The following LTBP3 variants were observed in gnomAD, a reference collection of about 807,000 sequenced individuals.
LTBP3 encodes the protein latent transforming growth factor beta binding protein 3.
Under a neutral mutation model 159.7 loss-of-function variants are expected in LTBP3, and 97 were observed. The observed-to-expected ratio is 0.61, with a 90% CI of 0.52 to 0.72. LTBP3 has a LOEUF of 0.72. LTBP3 is among the 30% of genes least tolerant of loss of function. The pLI is 0.00. For synonymous variants in LTBP3, 824 were observed against 777.1 expected (o/e 1.06, Z -1.00); for missense variants, 1,584 against 1,864.3 (o/e 0.85, Z 2.77).
At position 65,540,568 on chromosome 11, in the gene LTBP3, G is replaced by A. The variant is rs1179810857; in HGVS notation, c.3024C>T (p.Gly1008=). 6.8e-6 allele frequency: 11 copies of A among 1,613,878 alleles called. No individual in the cohort carries two copies. Among genetic ancestry groups the A allele is most frequent in the Non-Finnish European group, 7.6e-6 (9 of 1,179,914 alleles). ...AGCCAGGCTGCGTGTTCACGCACTT[G>A]CCCTCCTTGCAAATCTCCGACCCGA... ...MLFGSEICKE[G]KCVNTQPGYE... The change falls in exon 22 of 28, where the codon GGC becomes GGT. Residue 1008 remains glycine, a synonymous_variant. Transcript: ENST00000301873.
At position 65,554,940 on chromosome 11, in the gene LTBP3, C is replaced by G. The variant is rs1856756986; in HGVS notation, c.332-560G>C. On this transcript the variant is annotated intron_variant, in intron 1 of 27. Transcript: ENST00000301873. The surrounding 1 kb of genome is among the most constrained non-coding windows in gnomAD (Gnocchi z 5.3). Reference sequence around the variant, plus strand: ...TGCCAAAGATGTCCACATCTCAAGACACAGACACAGCCCCCAGCCTTTCCA... The same window carrying G: ...TGCCAAAGATGTCCACATCTCAAGAGACAGACACAGCCCCCAGCCTTTCCA... 6.6e-6 allele frequency among the ~76,000 whole-genome samples: 1 copy of G among 152,114 alleles called. No individual in the cohort carries two copies. The highest frequency in any genetic ancestry group is 2.4e-5 in the African/African-American group (1 of 41,396).
rs145805447 is a variant in LTBP3 at position 65,556,056 on chromosome 11, G to A, written c.331+1573C>T. Among the ~76,000 whole-genome samples, 925 of 152,198 alleles carry A rather than the reference G, an allele frequency of 6.1e-3. 5 individuals carry two copies. Among genetic ancestry groups the A allele is most frequent in the Non-Finnish European group, 0.01 (713 of 67,992 alleles). ...TGAGAGTGACCTCCCAATGACACCC[G>A]CCCACTGTGGCCTGGGCACCGAGCC... On this transcript the variant is annotated intron_variant, in intron 1 of 27. Coordinates refer to ENST00000301873, the MANE Select transcript of LTBP3 (RefSeq NM_001130144.3).
intron 17 of LTBP3, 71 bp from the exon 18 acceptor site, chr11:65,543,295 T>C (rs1856235278): frequency 6.2e-7 from 1 of 1,612,728 alleles, no homozygotes; most frequent in South Asian, 1.1e-5. Flanking sequence ...AGCCAAAGCT[T>C]TCTCCCAGAG....
Position 65,554,337 on chromosome 11 carries a change from C to G in LTBP3, c.375G>C (p.Ser125=), listed in dbSNP as rs1271421491. Residue 125 remains serine, a synonymous_variant, in exon 2 of 28, where the codon TCG becomes TCC. Coordinates refer to ENST00000301873, the MANE Select transcript of LTBP3 (RefSeq NM_001130144.3). The surrounding 1 kb of genome is among the most constrained non-coding windows in gnomAD (Gnocchi z 5.3). ...CCGGGGGACACAGGCACTGGTTTCG[C>G]GAGGAGCACTGGCCGCCATTCATGC... ...LPCMNGGQCS[S]RNQCLCPPDF... 6.2e-7 allele frequency: 1 copy of G among 1,612,308 alleles called. No homozygotes were observed. The highest frequency in any genetic ancestry group is 8.5e-7 in the Non-Finnish European group (1 of 1,179,804).
chr11:65,538,820 A>G lies in LTBP3; in HGVS notation c.*260T>C. On this transcript the variant is annotated 3_prime_UTR_variant, in exon 28 of 28. Coordinates refer to ENST00000301873, the MANE Select transcript of LTBP3 (RefSeq NM_001130144.3). ...CAATTTGCTTCGAAAGCCAAGGGTA[A>G]AGAGGCACGATCTGATTTATCAGTT... 1.2e-6 allele frequency: 1 copy of G among 818,794 alleles called. No individual in the cohort carries two copies. The highest frequency in any genetic ancestry group is 1.8e-6 in the Non-Finnish European group (1 of 560,476). The allele number at this position is 818,794 out of a possible 1,614,324, so 50.7% of individuals were successfully genotyped here.
chr11:65,540,678 C>CCCA, intron 21 of LTBP3, 64 bp from the exon 22 acceptor site: 1 of 1,535,310 alleles, frequency 6.5e-7, no homozygotes, highest in Non-Finnish European at 8.8e-7. Context: ...GTGGGCTGGG[C>CCCA]GCACCACCGG....
chr11:65,538,761 C>T lies in LTBP3; in HGVS notation c.*319G>A. 1 of 897,142 alleles carries T rather than the reference C, an allele frequency of 1.1e-6. No homozygotes were observed. Among genetic ancestry groups the T allele is most frequent in the South Asian group, 1.8e-5 (1 of 54,850 alleles). 55.6% of individuals were successfully genotyped at this position (897,142 alleles called of 1,614,324 possible). A position where few individuals can be genotyped will look rare whatever the true frequency, so the allele number is the denominator to read the frequency against. ...GAGGCGGCTGGGGTCTGGCGCCGCC[C>T]TGCGCAGCCCGCGCCCACGTCAGAC... On this transcript the variant is annotated 3_prime_UTR_variant, in exon 28 of 28. Coordinates refer to ENST00000301873, the MANE Select transcript of LTBP3 (RefSeq NM_001130144.3).
Position 65,553,670 on chromosome 11 carries a change from A to C in LTBP3, c.864+31T>G. The C allele has an allele frequency of 2.6e-6, 4 of 1,557,388 alleles. No homozygotes were observed. In the South Asian group the frequency reaches 4.6e-5, roughly 18 times the overall value. On this transcript the variant is annotated intron_variant, in intron 3 of 27. Transcript: ENST00000301873. The surrounding 1 kb of genome is among the most constrained non-coding windows in gnomAD (Gnocchi z 6.5). ...GGGGCAGAGCAACCCTGAGAGAAGG[A>C]AAGGCAGATCCCGACTGTGGATTCA...
At chr11:65,556,077 G>A (rs138458474) in intron 1 of LTBP3, among the ~76,000 whole-genome samples, 393 of 152,240 alleles carry the variant, frequency 2.6e-3, no homozygotes, top group Non-Finnish European at 5.0e-3. Flanking sequence ...CCTGGGCACC[G>A]AGCCTGGGGG....
rs1856660585 is a variant in LTBP3 at position 65,552,841 on chromosome 11, C to A, written c.1186+19G>T. On this transcript the variant is annotated intron_variant, in intron 6 of 27. Transcript: ENST00000301873. This position sits in a 1 kb window ranked among gnomAD's most constrained non-coding sequence, Gnocchi z 6.0. ...CCCATGCCTTGTGACCTCCCAGGAA[C>A]CTGAGCCCCAGGTCTCACCAATGCA... 2 of 1,614,160 alleles carry A rather than the reference C, an allele frequency of 1.2e-6. No individual in the cohort carries two copies. The highest frequency in any genetic ancestry group is 1.7e-6 in the Non-Finnish European group (2 of 1,180,002).
Position 65,553,140 on chromosome 11 carries a change from A to G in LTBP3, c.1063+24T>C. The G allele has an allele frequency of 1.9e-6, 3 of 1,612,442 alleles. No homozygotes were observed. Among genetic ancestry groups the G allele is most frequent in the Middle Eastern group, 1.7e-4 (1 of 6,012 alleles). On this transcript the variant is annotated intron_variant, in intron 5 of 27. Transcript: ENST00000301873. The surrounding 1 kb of genome is among the most constrained non-coding windows in gnomAD (Gnocchi z 6.5). The stretch of plus-strand genomic sequence containing the variant: ...GATGGCTGGCCTGCCCCTCCAGCCC[A>G]CAGAATCTCCTAGCTGGCCATACCC...
In LTBP3 at chr11:65,554,549, T is replaced by G. The variant is rs2135160781; in HGVS notation, c.332-169A>C. Among the ~76,000 whole-genome samples, 1 of 152,120 alleles carries G rather than the reference T, an allele frequency of 6.6e-6. No individual in the cohort carries two copies. Among genetic ancestry groups the G allele is most frequent in the Non-Finnish European group, 1.5e-5 (1 of 67,970 alleles). ...TTCCCCAACATCCTTACACCTATGT[T>G]GGGTTCTGGAGTCTCAAGTCCAGGA... On this transcript the variant is annotated intron_variant, in intron 1 of 27. Coordinates refer to ENST00000301873, the MANE Select transcript of LTBP3 (RefSeq NM_001130144.3). The surrounding 1 kb of genome is among the most constrained non-coding windows in gnomAD (Gnocchi z 5.3).
In LTBP3 at chr11:65,539,700, C is replaced by T. The variant is rs762957783; in HGVS notation, c.3547+20G>A. 1 of 1,564,608 alleles carries T rather than the reference C, an allele frequency of 6.4e-7. No homozygotes were observed. The highest frequency in any genetic ancestry group is 8.6e-7 in the Non-Finnish European group (1 of 1,162,030). On this transcript the variant is annotated intron_variant, in intron 25 of 27. Transcript: ENST00000301873. The stretch of plus-strand genomic sequence containing the variant: ...GGCCCCCATCCTCGCTCCCGGCCAA[C>T]TCCTCCCCGACTGCCTTACCCGCGC...
At chr11:65,540,423 G>C in intron 22 of LTBP3, 41 bp from the exon 23 acceptor site, 1 of 1,608,688 alleles carries the variant, frequency 6.2e-7, no homozygotes, top group South Asian at 1.1e-5. Flanking sequence ...GCAGGCCCGG[G>C]ATGGGCGCGG....
In LTBP3 at chr11:65,551,478, C is replaced by T. The variant is rs770241725; in HGVS notation, c.1549-4G>A. ...CTGACCTCTCCTCACTCACCGGCTGCGGGTGACAGCAGCATGAGCCCTCCT... is the reference window on the plus strand; with the variant it reads ...CTGACCTCTCCTCACTCACCGGCTGTGGGTGACAGCAGCATGAGCCCTCCT... On this transcript the variant is annotated splice_polypyrimidine_tract_variant and splice_region_variant and intron_variant, in intron 9 of 27. Coordinates refer to ENST00000301873, the MANE Select transcript of LTBP3 (RefSeq NM_001130144.3). The T allele has an allele frequency of 2.2e-5, 36 of 1,613,910 alleles. 1 individual carries two copies. Among genetic ancestry groups the T allele is most frequent in the South Asian group, 2.1e-4 (19 of 91,094 alleles).
chr11:65,539,087 C>A lies in LTBP3; in HGVS notation c.3905G>T (p.Arg1302Leu). The change falls in exon 28 of 28, where the codon CGC (arginine) becomes CTC (leucine). Residue 1302 changes from arginine to leucine, a missense_variant. Around this residue, in one of 6 missense-constraint regions of LTBP3, gnomAD observed 514 missense variants for 530.3 expected, o/e 0.97. Coordinates refer to ENST00000301873, the MANE Select transcript of LTBP3 (RefSeq NM_001130144.3). The part of the protein sequence containing the change: ...RPHGACVPQR[R>L]R ...AGGGCGGCGTCGGCGGCGTCAGCGG[C>A]GGCGCTGGGGAACGCAGGCCCCGTG... 1 of 1,405,648 alleles carries A rather than the reference C, an allele frequency of 7.1e-7. No homozygotes were observed. The allele number at this position is 1,405,648 out of a possible 1,614,324, so 87.1% of individuals were successfully genotyped here. A position where few individuals can be genotyped will look rare whatever the true frequency, so the allele number is the denominator to read the frequency against.
Position 65,546,428 on chromosome 11 carries a change from G to A in LTBP3, c.2353+14C>T, listed in dbSNP as rs368828977. ...GGGGCGGCGGAGGCCCGGGGCGGGG[G>A]TGCTGGCGCTCACCCAAGCAACTGC... is the stretch of plus-strand genomic sequence containing the variant. On this transcript the variant is annotated intron_variant, in intron 16 of 27. Transcript: ENST00000301873. The surrounding 1 kb of genome is among the most constrained non-coding windows in gnomAD (Gnocchi z 4.0). 6.2e-4 allele frequency: 956 copies of A among 1,538,860 alleles called. 5 individuals are homozygous for A. The highest frequency in any genetic ancestry group is 7.3e-4 in the Non-Finnish European group (841 of 1,148,556).
intron 11 of LTBP3, chr11:65,548,310 C>T: frequency 1.6e-6 from 1 of 611,028 alleles, no homozygotes. Context: ...ACTCCAAGAC[C>T]CTGACCCCAC....
At position 65,557,981 on chromosome 11, in the gene LTBP3, G is replaced by A. The variant is rs1194841435; in HGVS notation, c.-22C>T. ...GCATCCGGGGCCGCAGGACCCGGGGGAGGGGGGGCGCGCCCGGGCGGGGCG... is the reference window on the plus strand; with the variant it reads ...GCATCCGGGGCCGCAGGACCCGGGGAAGGGGGGGCGCGCCCGGGCGGGGCG... On this transcript the variant is annotated 5_prime_UTR_variant, in exon 1 of 28. Coordinates refer to ENST00000301873, the MANE Select transcript of LTBP3 (RefSeq NM_001130144.3). 2 of 1,131,864 alleles carry A rather than the reference G, an allele frequency of 1.8e-6. No individual in the cohort carries two copies. Among genetic ancestry groups the A allele is most frequent in the East Asian group, 4.5e-5 (1 of 22,376 alleles). 70.1% of individuals were successfully genotyped at this position (1,131,864 alleles called of 1,614,324 possible).
Sources: gnomAD v4.1 joint callset for allele counts (sites outside exome capture counted in the v4.1 genomes callset) on GRCh38, gnomAD v4.1.1 for gene constraint, gnomAD v4.1.1 regional missense constraint, Gnocchi (gnomAD v3.1) non-coding constraint, MANE v1.5 for transcripts, NCBI Gene and HGNC (gene_info 2026-07-23, HGNC 2026-07-21) for gene names.